Variants in PTPN11 observed in about 807,000 individuals in gnomAD.
PTPN11 encodes protein tyrosine phosphatase non-receptor type 11.
In PTPN11, 6 loss-of-function variants were observed where a neutral mutation model predicts 78.8. The observed-to-expected ratio is 0.08, with a 90% CI of 0.04 to 0.15. The LOEUF (loss-of-function observed/expected upper bound fraction) is 0.15, where lower values mean the gene tolerates loss of function less well. Ranked by LOEUF, PTPN11 falls within the 10% of genes least tolerant of loss-of-function variation. The pLI is 1.00. For synonymous variants in PTPN11, 221 were observed against 263.5 expected (o/e 0.84, Z 1.56); for missense variants, 386 against 744.8 (o/e 0.52, Z 5.61).
At chr12:112,466,806 C>G (rs987008782) in intron 6 of PTPN11, among the ~76,000 whole-genome samples, 18 of 152,298 alleles carry the variant, frequency 1.2e-4, no homozygotes, top group South Asian at 1.0e-3. Flanking sequence ...GGTATTTTGG[C>G]TCTGTTGCTC....
intron 1 of PTPN11, among the ~76,000 whole-genome samples, chr12:112,442,151 A>G (rs12309312): frequency 0.052 from 7,976 of 152,236 alleles, 489 homozygotes; most frequent in African/African-American, 0.15. Context: ...TTCATCATTT[A>G]TGGGTTTTAA....
intron 6 of PTPN11, among the ~76,000 whole-genome samples, chr12:112,462,394 C>A (rs1380324165): frequency 2.0e-5 from 3 of 151,948 alleles, no homozygotes; most frequent in East Asian, 3.9e-4. Flanking sequence ...GCCTTAGACT[C>A]ATTTGTAATC....
intron 1 of PTPN11, among the ~76,000 whole-genome samples, chr12:112,422,785 T>A (rs952918679): frequency 2.0e-5 from 3 of 152,220 alleles, no homozygotes; most frequent in Non-Finnish European, 4.4e-5. Flanking sequence ...ACTGCTAAGA[T>A]GACTTACCCC....
chr12:112,479,977 T>G (rs1464109775), intron 9 of PTPN11, among the ~76,000 whole-genome samples: 1 of 152,184 alleles, frequency 6.6e-6, no homozygotes, highest in African/African-American at 2.4e-5. Context: ...ATCCCCCCAG[T>G]GCACAGAAGA....
chr12:112,437,456 C>T (rs750270640), intron 1 of PTPN11, among the ~76,000 whole-genome samples: 1 of 152,126 alleles, frequency 6.6e-6, no homozygotes. Flanking sequence ...CCACCGTGCC[C>T]GGCCTAAAAT....
Position 112,508,834 on chromosome 12 carries a change from A to G in PTPN11, c.*3042A>G, listed in dbSNP as rs2038967139. 6.6e-6 allele frequency: 1 copy of G among 152,204 alleles called. No individual in the cohort carries two copies. Among genetic ancestry groups the G allele is most frequent in the African/African-American group, 2.4e-5 (1 of 41,450 alleles). The allele number at this position is 152,204 out of a possible 1,614,324, so 9.4% of individuals were successfully genotyped here. On this transcript the variant is annotated 3_prime_UTR_variant, in exon 16 of 16. Transcript: ENST00000351677. ...TGTGGCTAAATGGGGATGAGGAGACACGGGTAGGACTTTCTTGGTGTGTGT... is the reference window on the plus strand; with the variant it reads ...TGTGGCTAAATGGGGATGAGGAGACGCGGGTAGGACTTTCTTGGTGTGTGT...
chr12:112,505,121 G>A (rs573931716), intron 15 of PTPN11, among the ~76,000 whole-genome samples: 51 of 152,300 alleles, frequency 3.3e-4, no homozygotes, highest in African/African-American at 1.2e-3. Context: ...TGTGCTGGGG[G>A]ATGATCTGTA....
chr12:112,495,735 G>T (rs1592858852), intron 13 of PTPN11, among the ~76,000 whole-genome samples: 1 of 152,134 alleles, frequency 6.6e-6, no homozygotes, highest in Non-Finnish European at 1.5e-5. Flanking sequence ...TGCCTTGAAC[G>T]TATTCAGGAC....
chr12:112,445,608 A>G (rs1355518058), intron 1 of PTPN11, among the ~76,000 whole-genome samples: 2 of 151,386 alleles, frequency 1.3e-5, no homozygotes, highest in African/African-American at 4.9e-5. Flanking sequence ...GCTATCCTCA[A>G]CATGGTAACT....
chr12:112,429,811 A>C (rs1042870701), intron 1 of PTPN11, among the ~76,000 whole-genome samples: 14 of 151,294 alleles, frequency 9.3e-5, no homozygotes, highest in South Asian at 2.1e-4. Context: ...TCAAAAAAAA[A>C]AACAACAACA....
rs769489372 is a variant in PTPN11, at chr12:112,509,023, T to G, written c.*3231T>G. 8 of 152,232 alleles carry G rather than the reference T, an allele frequency of 5.3e-5. No individual in the cohort carries two copies. The highest frequency in any genetic ancestry group is 8.8e-5 in the Non-Finnish European group (6 of 68,044). The allele number at this position is 152,232 out of a possible 1,614,324, so 9.4% of individuals were successfully genotyped here. A position where few individuals can be genotyped will look rare whatever the true frequency, so the allele number is the denominator to read the frequency against. ...TTTGCAATTGTCAAGTGTTTTGTTG[T>G]AGCTTAGTATCCATAAGGGAAACTT... On this transcript the variant is annotated 3_prime_UTR_variant, in exon 16 of 16. Transcript: ENST00000351677.
At chr12:112,468,259 C>T (rs1302899247) in intron 6 of PTPN11, among the ~76,000 whole-genome samples, 1 of 152,134 alleles carries the variant, frequency 6.6e-6, no homozygotes, top group African/African-American at 2.4e-5. Flanking sequence ...CTTTTGTGCC[C>T]TAGGGACTGC....
chr12:112,460,769 A>G lies in PTPN11; in HGVS notation c.756+4706A>G, dbSNP rs539923992. ...AGGCAGGAGAATCGCTTGAACCCAG[A>G]AGGTGGCAGTTGCAGTGAGCCGAGA... On this transcript the variant is annotated intron_variant, in intron 6 of 15. Coordinates refer to ENST00000351677, the MANE Select transcript of PTPN11 (RefSeq NM_002834.5). 1.9e-4 allele frequency among the ~76,000 whole-genome samples: 29 copies of G among 152,252 alleles called. No individual in the cohort carries two copies. The South Asian group carries it at 2.1e-3, about 11-fold the overall frequency.
chr12:112,434,796 G>T (rs1566158325), intron 1 of PTPN11, among the ~76,000 whole-genome samples: 3 of 151,534 alleles, frequency 2.0e-5, no homozygotes, highest in Admixed American at 6.6e-5. Flanking sequence ...GGGTTTGTTT[G>T]TTTTTTTTGA....
chr12:112,495,734 C>T (rs1026392693), intron 13 of PTPN11, among the ~76,000 whole-genome samples: 2 of 152,166 alleles, frequency 1.3e-5, no homozygotes, highest in African/African-American at 2.4e-5. Flanking sequence ...CTGCCTTGAA[C>T]GTATTCAGGA....
intron 9 of PTPN11, 74 bp from the exon 10 acceptor site, chr12:112,481,999 AT>A: frequency 6.8e-7 from 1 of 1,462,036 alleles, no homozygotes; most frequent in Non-Finnish European, 9.5e-7. Flanking sequence ...AGACTTGAAC[AT>A]TTGTTTGTTG....
At chr12:112,478,465 T>A (rs2038544775) in intron 9 of PTPN11, among the ~76,000 whole-genome samples, 1 of 152,104 alleles carries the variant, frequency 6.6e-6, no homozygotes, top group South Asian at 2.1e-4. Flanking sequence ...CATACGTGTA[T>A]TAGACTACTT....
intron 6 of PTPN11, among the ~76,000 whole-genome samples, chr12:112,468,988 C>T (rs977557324): frequency 1.3e-5 from 2 of 152,060 alleles, no homozygotes; most frequent in Non-Finnish European, 2.9e-5. Flanking sequence ...CACTTGAGCC[C>T]AGGAGTTTGA....
chr12:112,492,444 G>C (rs1257124793), intron 13 of PTPN11, among the ~76,000 whole-genome samples: 2 of 151,798 alleles, frequency 1.3e-5, no homozygotes, highest in Non-Finnish European at 2.9e-5. Context: ...TGTCCATAAA[G>C]TTATTATTTT....
Sources: allele counts gnomAD v4.1 joint callset (sites outside exome capture counted in the v4.1 genomes callset), GRCh38; gene constraint gnomAD v4.1.1; transcripts MANE v1.5; gene names NCBI Gene and HGNC (gene_info 2026-07-23, HGNC 2026-07-21).